GRIK3: variants seen among roughly 807,000 people sequenced by gnomAD.
GRIK3 encodes the protein glutamate ionotropic receptor kainate type subunit 3.
Under a neutral mutation model 102.5 loss-of-function variants are expected in GRIK3, and 29 were observed. The observed-to-expected ratio is 0.28, with a 90% CI of 0.21 to 0.39. The LOEUF (loss-of-function observed/expected upper bound fraction) is 0.39, where lower values mean the gene tolerates loss of function less well. Ranked by LOEUF, GRIK3 falls within the 10% of genes least tolerant of loss-of-function variation. The probability of loss-of-function intolerance (pLI) is 1.00; values close to 1 mark genes in which losing one functional copy is unlikely to be tolerated. For missense variants in GRIK3, 908 were observed against 1,252.4 expected (o/e 0.73, Z 4.15); for synonymous variants, 511 against 504.9 (o/e 1.01, Z -0.16).
intron 1 of GRIK3, among the ~76,000 whole-genome samples, chr1:37,001,922 G>T (rs58240938): frequency 0.036 from 5,528 of 152,232 alleles, 338 homozygotes; most frequent in African/African-American, 0.13. Context: ...TGCCTCAGAG[G>T]CCTCACAACT....
At chr1:36,919,220 C>G (rs1186837636) in intron 1 of GRIK3, among the ~76,000 whole-genome samples, 1 of 152,144 alleles carries the variant, frequency 6.6e-6, no homozygotes, top group African/African-American at 2.4e-5. Flanking sequence ...AAATAACCAA[C>G]AATCAGGGTG....
At chr1:36,953,447 T>C (rs1641868529) in intron 1 of GRIK3, among the ~76,000 whole-genome samples, 2 of 152,122 alleles carry the variant, frequency 1.3e-5, no homozygotes, top group Non-Finnish European at 2.9e-5. Context: ...ATTGATGGCT[T>C]TAAGCAGGAG....
At chr1:36,909,090 G>A (rs527648301) in intron 1 of GRIK3, among the ~76,000 whole-genome samples, 39 of 152,226 alleles carry the variant, frequency 2.6e-4, no homozygotes, top group African/African-American at 9.4e-4. Flanking sequence ...GGAAGTCAAG[G>A]ATGTTGTTAA....
intron 1 of GRIK3, among the ~76,000 whole-genome samples, chr1:36,970,921 T>C (rs1369386744): frequency 1.3e-5 from 2 of 152,196 alleles, no homozygotes; most frequent in Admixed American, 6.5e-5. Flanking sequence ...TCCTGGACCA[T>C]TGGGCCAGTC....
chr1:37,006,008 C>A (rs580029), intron 1 of GRIK3, among the ~76,000 whole-genome samples: 64,122 of 151,560 alleles, frequency 0.42, 15,185 homozygotes, highest in African/African-American at 0.64. Context: ...AATCGCTAGC[C>A]TGAAAGGGGA....
intron 13 of GRIK3, among the ~76,000 whole-genome samples, chr1:36,812,156 A>G (rs1642569323): frequency 6.6e-6 from 1 of 152,182 alleles, no homozygotes; most frequent in East Asian, 1.9e-4. Flanking sequence ...CCTCCAGCTC[A>G]AGGAAGGGTC....
rs1257909283 is a variant in GRIK3, at chr1:36,880,078, AC to A, written c.550+555del. Among the ~76,000 whole-genome samples the A allele has an allele frequency of 5.9e-5, 9 of 152,106 alleles. No homozygotes were observed. The highest frequency in any genetic ancestry group is 2.2e-4 in the African/African-American group (9 of 41,394). ...CGCTCACTGCATGTCAGTGCTTGTC[AC>A]TGTCATCTTGTAATCCCACATTTTA... is the stretch of plus-strand genomic sequence containing the variant. On this transcript the variant is annotated intron_variant, in intron 3 of 15. Coordinates refer to ENST00000373091, the MANE Select transcript of GRIK3 (RefSeq NM_000831.4). This position sits in a 1 kb window ranked among gnomAD's most constrained non-coding sequence, Gnocchi z 5.4.
In GRIK3 at chr1:36,859,197, G is replaced by A. The variant is rs764550051; in HGVS notation, c.1015C>T (p.Arg339Trp). 9 of 1,613,588 alleles carry A rather than the reference G, an allele frequency of 5.6e-6. No individual in the cohort carries two copies. Among genetic ancestry groups the A allele is most frequent in the African/African-American group, 2.7e-5 (2 of 74,924 alleles). Residue 339 changes from arginine (R) to tryptophan (W), a missense_variant, in exon 7 of 16, where the codon CGG becomes TGG. Physicochemically the swap from Arg to Trp is moderately radical, Grantham distance 101. Transcript: ENST00000373091. ...GAGTTCACGGTCATCTGTGGTGCCC[G>A]CTGGTAGCACACGGACACGATATGG... The part of the protein sequence containing the change: ...AVHIVSVCYQ[R>W]APQMTVNSLQ...
intron 5 of GRIK3, among the ~76,000 whole-genome samples, chr1:36,865,815 G>A (rs1218969278): frequency 6.6e-6 from 1 of 152,222 alleles, no homozygotes; most frequent in East Asian, 1.9e-4. Context: ...ACCAGTCAAT[G>A]GGGAGTGCAA....
intron 8 of GRIK3, among the ~76,000 whole-genome samples, chr1:36,851,377 G>C (rs566007294): frequency 1.8e-4 from 28 of 152,242 alleles, no homozygotes; most frequent in Non-Finnish European, 3.5e-4. Context: ...TGGGAGCTCA[G>C]CATCCTCTCA....
At chr1:36,974,627 T>A (rs954746652) in intron 1 of GRIK3, among the ~76,000 whole-genome samples, 6 of 151,506 alleles carry the variant, frequency 4.0e-5, no homozygotes, top group African/African-American at 1.5e-4. Flanking sequence ...TGAAACCCCA[T>A]CTCTACTAAA....
intron 1 of GRIK3, among the ~76,000 whole-genome samples, chr1:37,022,869 C>G (rs1296313874): frequency 6.6e-6 from 1 of 152,214 alleles, no homozygotes; most frequent in Non-Finnish European, 1.5e-5. Context: ...CATACTGGTA[C>G]AGCACTTATC....
chr1:36,813,363 T>C (rs886309047), intron 13 of GRIK3, among the ~76,000 whole-genome samples: 3 of 152,238 alleles, frequency 2.0e-5, no homozygotes, highest in African/African-American at 7.2e-5. Flanking sequence ...TTGTTGACTT[T>C]GCCAATGTCT....
Position 36,819,773 on chromosome 1 carries a change from G to T in GRIK3, c.1836C>A (p.Asn612Lys). ...GGGATCCCATTCCAAACCAGAAGCT[G>T]TTAAGCAGAGTGAAGTTATTTTCCA... ...EVVENNFTLL[N>K]SFWFGMGSLM... Residue 612 changes from asparagine to lysine, a missense_variant, in exon 12 of 16, where the codon AAC becomes AAA. Physicochemically the swap from Asn to Lys is moderately conservative, Grantham distance 94 (BLOSUM62 0). Transcript: ENST00000373091. This position sits in a 1 kb window ranked among gnomAD's most constrained non-coding sequence, Gnocchi z 4.1. 6.2e-7 allele frequency: 1 copy of T among 1,604,742 alleles called. No homozygotes were observed. Among genetic ancestry groups the T allele is most frequent in the Non-Finnish European group, 8.5e-7 (1 of 1,172,074 alleles).
intron 1 of GRIK3, among the ~76,000 whole-genome samples, chr1:37,006,783 T>C (rs923281962): frequency 2.6e-5 from 4 of 152,210 alleles, no homozygotes; most frequent in Non-Finnish European, 5.9e-5. Flanking sequence ...CGATGGATCC[T>C]GGAGGGGCTG....
chr1:36,809,675 T>C (rs1642540396), intron 13 of GRIK3, among the ~76,000 whole-genome samples: 1 of 152,134 alleles, frequency 6.6e-6, no homozygotes, highest in Admixed American at 6.6e-5. Flanking sequence ...CACCAAACCA[T>C]ATGCTCTTTC....
At chr1:37,033,965 G>T (rs750774566) in intron 1 of GRIK3, 29 bp downstream of exon 1, 1 of 1,347,454 alleles carries the variant, frequency 7.4e-7, no homozygotes, top group East Asian at 2.6e-5. Flanking sequence ...CCGGGCGCAC[G>T]GAGACCCCCG....
At chr1:36,920,395 C>T (rs1641453807) in intron 1 of GRIK3, among the ~76,000 whole-genome samples, 1 of 152,166 alleles carries the variant, frequency 6.6e-6, no homozygotes, top group South Asian at 2.1e-4. Context: ...GTGTGCCTTA[C>T]CTGCTCCAGA....
chr1:36,998,996 GTGTGTGTGTGTA>G (rs145793730), intron 1 of GRIK3, among the ~76,000 whole-genome samples: 9,242 of 99,014 alleles, frequency 0.093, 670 homozygotes, highest in African/African-American at 0.24. Context: ...GTGTGTGTGT[GTGTGTGTGTGTA>G]TGTGTGTGTG....
Sources: gnomAD v4.1 joint callset for allele counts (sites outside exome capture counted in the v4.1 genomes callset) on GRCh38, gnomAD v4.1.1 for gene constraint, Gnocchi (gnomAD v3.1) non-coding constraint, MANE v1.5 for transcripts, NCBI Gene and HGNC (gene_info 2026-07-23, HGNC 2026-07-21) for gene names.